Variants in KDM4C observed in about 807,000 individuals in gnomAD.
KDM4C encodes the protein lysine demethylase 4C, also known as lysine-specific demethylase 4C.
KDM4C carries 81 observed loss-of-function variants against 129.3 expected under a neutral mutation model. The observed-to-expected ratio is 0.63, with a 90% CI of 0.52 to 0.75. The LOEUF is 0.75. Among genes scored for constraint, KDM4C ranks in the 30% least tolerant of loss-of-function variants. The pLI is 0.00. For synonymous variants in KDM4C, 573 were observed against 456.1 expected, an observed-to-expected ratio of 1.26 and a Z score of -3.26; for missense variants, 1,457 against 1,304.0, an observed-to-expected ratio of 1.12 and a Z score of -1.81.
intron 8 of KDM4C, among the ~76,000 whole-genome samples, chr9:6,929,471 CTTTTTTTTTTTT>C (rs59537472): frequency 2.4e-5 from 3 of 127,528 alleles, no homozygotes; most frequent in East Asian, 2.3e-4. Context: ...TTGACTTTTT[CTTTTTTTTTTTT>C]TTTTTTTGGC....
upstream of KDM4C, among the ~76,000 whole-genome samples, chr9:6,755,781 T>C (rs1472769017): frequency 6.6e-6 from 1 of 152,200 alleles, no homozygotes; most frequent in African/African-American, 2.4e-5. Context: ...GGTATTTTGA[T>C]ACATTAGGGA....
At chr9:6,884,040 C>G (rs1258390935) in intron 6 of KDM4C, among the ~76,000 whole-genome samples, 1 of 152,132 alleles carries the variant, frequency 6.6e-6, no homozygotes, top group Non-Finnish European at 1.5e-5. Context: ...ACAACGCGCA[C>G]CATGTCTAGG....
chr9:7,045,868 A>C (rs147019091), intron 15 of KDM4C, among the ~76,000 whole-genome samples: 1 of 152,130 alleles, frequency 6.6e-6, no homozygotes, highest in Non-Finnish European at 1.5e-5. Flanking sequence ...ATGAAGTTTC[A>C]CACCTCATTA....
At chr9:6,875,481 G>A (rs1439475148) in intron 5 of KDM4C, among the ~76,000 whole-genome samples, 2 of 152,158 alleles carry the variant, frequency 1.3e-5, no homozygotes, top group Non-Finnish European at 2.9e-5. Context: ...TTTTGTCCTG[G>A]TGCCTGGTAG....
chr9:6,739,710 G>A (rs1018397837), intron 1 of KDM4C, among the ~76,000 whole-genome samples: 1 of 150,034 alleles, frequency 6.7e-6, no homozygotes, highest in African/African-American at 2.5e-5. Context: ...AAATAGCCCA[G>A]TAAGCTGGAA....
intron 19 of KDM4C, among the ~76,000 whole-genome samples, chr9:7,129,968 GT>G (rs1840440236): frequency 6.6e-6 from 1 of 152,140 alleles, no homozygotes; most frequent in South Asian, 2.1e-4. Flanking sequence ...CATGTAATCC[GT>G]CTCTAGAACT....
In KDM4C at chr9:6,969,715, T is replaced by A. The variant is rs376380582; in HGVS notation, c.922-11210T>A. Among the ~76,000 whole-genome samples, 6 of 152,336 alleles carry A rather than the reference T, an allele frequency of 3.9e-5. No homozygotes were observed. The East Asian group carries it at 7.7e-4, about 20-fold the overall frequency. On this transcript the variant is annotated intron_variant, in intron 8 of 21. Coordinates refer to ENST00000381309, the MANE Select transcript of KDM4C (RefSeq NM_015061.6). The stretch of plus-strand genomic sequence containing the variant: ...ATGCATTTCCAGTCTGGAGGACCGT[T>A]TTTATTTAAAATTTTTTTTCTATGT...
At chr9:7,026,050 T>TA (rs1026846195) in intron 15 of KDM4C, among the ~76,000 whole-genome samples, 17 of 151,782 alleles carry the variant, frequency 1.1e-4, no homozygotes, top group African/African-American at 3.6e-4. Context: ...ACTAAAAATA[T>TA]AAAAAATTAG....
chr9:7,042,927 A>G (rs774711501), intron 15 of KDM4C, among the ~76,000 whole-genome samples: 21 of 152,052 alleles, frequency 1.4e-4, no homozygotes, highest in Admixed American at 3.9e-4. Context: ...GCATATAGGC[A>G]CAACCAGTAG....
At position 6,990,435 on chromosome 9, in the gene KDM4C, AAACCTCT is replaced by A; in HGVS notation, c.1700_1706del (p.Thr567ArgfsTer16). The A allele has an allele frequency of 6.2e-7, 1 of 1,613,444 alleles. No individual in the cohort carries two copies. ...AACTAGATAGCAGAGGGAGAGAACAAAACCTCTAAGAGTTGGCGCCATCCACTTAGCA... is the reference window on the plus strand; with the variant it reads ...AACTAGATAGCAGAGGGAGAGAACAAAAGAGTTGGCGCCATCCACTTAGCA... On this transcript the variant is annotated frameshift_variant, in exon 12 of 22. Transcript: ENST00000381309. LOFTEE classifies it high-confidence loss of function.
chr9:6,802,314 A>G (rs1829153901), intron 2 of KDM4C, among the ~76,000 whole-genome samples: 1 of 152,146 alleles, frequency 6.6e-6, no homozygotes, highest in Non-Finnish European at 1.5e-5. Context: ...TGGGAGTGCA[A>G]ATTGGTACAA....
At chr9:6,808,854 G>A (rs1200360072) in intron 3 of KDM4C, among the ~76,000 whole-genome samples, 1 of 151,992 alleles carries the variant, frequency 6.6e-6, no homozygotes. Flanking sequence ...ATATTTAAAT[G>A]TTGTCACAAT....
Position 7,090,269 on chromosome 9 carries a change from A to G in KDM4C, c.2425-13416A>G, listed in dbSNP as rs546893980. The stretch of plus-strand genomic sequence containing the variant: ...AATGACATTTACCTCTTCTAGGACC[A>G]TTTTTGACAGTAGCTTGTAGTAGAT... On this transcript the variant is annotated intron_variant, in intron 17 of 21. Coordinates refer to ENST00000381309, the MANE Select transcript of KDM4C (RefSeq NM_015061.6). Among the ~76,000 whole-genome samples, 9 of 152,320 alleles carry G rather than the reference A, an allele frequency of 5.9e-5. No individual in the cohort carries two copies. In the South Asian group the frequency reaches 1.5e-3, roughly 25 times the overall value.
chr9:6,971,736 GC>G (rs1832020494), intron 8 of KDM4C, among the ~76,000 whole-genome samples: 1 of 152,094 alleles, frequency 6.6e-6, no homozygotes, highest in Non-Finnish European at 1.5e-5. Context: ...ATGTAGTAAT[GC>G]AATACTTTAA....
chr9:6,845,232 G>C (rs961454355), intron 4 of KDM4C, among the ~76,000 whole-genome samples: 3 of 152,156 alleles, frequency 2.0e-5, no homozygotes, highest in African/African-American at 7.2e-5. Context: ...TTGACTGATT[G>C]AGACAGGGTC....
At chr9:6,944,174 G>C (rs1826457072) in intron 8 of KDM4C, among the ~76,000 whole-genome samples, 1 of 152,188 alleles carries the variant, frequency 6.6e-6, no homozygotes, top group Non-Finnish European at 1.5e-5. Context: ...AGAGGGTGCT[G>C]TTGAATTGGC....
intron 8 of KDM4C, among the ~76,000 whole-genome samples, chr9:6,905,712 T>C (rs1421273530): frequency 6.6e-6 from 1 of 152,158 alleles, no homozygotes; most frequent in East Asian, 1.9e-4. Context: ...TTGTGATCAA[T>C]TTATGTTGCT....
intron 19 of KDM4C, among the ~76,000 whole-genome samples, chr9:7,133,099 A>C (rs2129649727): frequency 6.6e-6 from 1 of 152,356 alleles, no homozygotes; most frequent in Non-Finnish European, 1.5e-5. Flanking sequence ...CAGTTTGCTT[A>C]AATTTTCCAG....
At chr9:6,732,710 A>G (rs1168901788) in intron 1 of KDM4C, among the ~76,000 whole-genome samples, 1 of 152,088 alleles carries the variant, frequency 6.6e-6, no homozygotes. Flanking sequence ...CAGAGACCAA[A>G]AGAAAGTACC....
Sources: gnomAD v4.1 joint callset for allele counts (sites outside exome capture counted in the v4.1 genomes callset) on GRCh38, gnomAD v4.1.1 for gene constraint, MANE v1.5 for transcripts, NCBI Gene and HGNC (gene_info 2026-07-23, HGNC 2026-07-21) for gene names.